The following ADAMTS12 variants were observed in gnomAD, a reference collection of about 807,000 sequenced individuals.
The protein encoded by ADAMTS12 is ADAM metallopeptidase with thrombospondin type 1 motif 12, also known as A disintegrin and metalloproteinase with thrombospondin motifs 12.
A neutral mutation model predicts 167.8 loss-of-function variants in ADAMTS12; 118 were observed. The ratio of observed to expected loss-of-function variants is 0.70; its 90% CI spans 0.61 to 0.82. The LOEUF is 0.82. ADAMTS12 is among the 40% of genes least tolerant of loss of function. The pLI is 0.00. For synonymous variants in ADAMTS12, 704 were observed against 716.9 expected, an observed-to-expected ratio of 0.98 and a Z score of 0.29; for missense variants, 1,916 against 1,998.8, an observed-to-expected ratio of 0.96 and a Z score of 0.79.
At chr5:33,707,932 A>G (rs1021487848) in intron 3 of ADAMTS12, among the ~76,000 whole-genome samples, 11 of 152,358 alleles carry the variant, frequency 7.2e-5, no homozygotes, top group African/African-American at 2.6e-4. Flanking sequence ...CAATTGCAAC[A>G]AAAGCCAAAA....
chr5:33,669,937 T>C (rs528813967), intron 5 of ADAMTS12, among the ~76,000 whole-genome samples: 76 of 152,076 alleles, frequency 5.0e-4, no homozygotes, highest in African/African-American at 1.8e-3. Context: ...CTTAGGAACC[T>C]AGGGATAGGC....
chr5:33,706,106 AT>A (rs1743193032), intron 3 of ADAMTS12, among the ~76,000 whole-genome samples: 1 of 152,176 alleles, frequency 6.6e-6, no homozygotes, highest in Non-Finnish European at 1.5e-5. Context: ...TTTTAAAAAA[AT>A]AGAAAAACAA....
In ADAMTS12 at chr5:33,863,379, A is replaced by C. The variant is rs533296057; in HGVS notation, c.489+17740T>G. ...ACAAGATCAATGTGCAAAAATCACA[A>C]GCATTCCTATACATCCATAATAGGC... On this transcript the variant is annotated intron_variant, in intron 2 of 23. Transcript: ENST00000504830. Among the ~76,000 whole-genome samples, 72 of 152,350 alleles carry C rather than the reference A, an allele frequency of 4.7e-4. 1 individual carries two copies. The highest frequency in any genetic ancestry group is 1.6e-3 in the African/African-American group (66 of 41,588).
intron 16 of ADAMTS12, among the ~76,000 whole-genome samples, chr5:33,599,668 G>T (rs985766487): frequency 2.0e-5 from 3 of 152,148 alleles, no homozygotes; most frequent in Non-Finnish European, 4.4e-5. Context: ...AGTAGGCAAG[G>T]TCGTCAGCTT....
At chr5:33,563,993 G>T (rs1579671565) in intron 19 of ADAMTS12, among the ~76,000 whole-genome samples, 1 of 152,200 alleles carries the variant, frequency 6.6e-6, no homozygotes, top group East Asian at 1.9e-4. Flanking sequence ...TGGCTTCAAG[G>T]TTTACACCTA....
At chr5:33,586,897 C>T (rs748094363) in intron 18 of ADAMTS12, among the ~76,000 whole-genome samples, 8 of 152,152 alleles carry the variant, frequency 5.3e-5, no homozygotes, top group African/African-American at 1.7e-4. Flanking sequence ...GTGCATGAAT[C>T]AGTAATACAC....
At chr5:33,691,956 T>A (rs529556078) in intron 3 of ADAMTS12, among the ~76,000 whole-genome samples, 1 of 152,368 alleles carries the variant, frequency 6.6e-6, no homozygotes, top group Non-Finnish European at 1.5e-5. Context: ...CCCCTCTCAG[T>A]GTCCCTACCC....
chr5:33,825,581 T>A (rs1339880870), intron 2 of ADAMTS12, among the ~76,000 whole-genome samples: 1 of 152,160 alleles, frequency 6.6e-6, no homozygotes, highest in African/African-American at 2.4e-5. Context: ...AGCATATGAG[T>A]CTCTTAACTA....
At chr5:33,833,270 C>T (rs1026208743) in intron 2 of ADAMTS12, among the ~76,000 whole-genome samples, 1 of 152,172 alleles carries the variant, frequency 6.6e-6, no homozygotes, top group Non-Finnish European at 1.5e-5. Flanking sequence ...TTTGTATGTA[C>T]CCATTGGCCT....
intron 2 of ADAMTS12, among the ~76,000 whole-genome samples, chr5:33,849,892 T>C (rs563421033): frequency 1.6e-4 from 24 of 151,878 alleles, no homozygotes; most frequent in Non-Finnish European, 3.4e-4. Flanking sequence ...TAGCATATTA[T>C]ATATGTATTA....
chr5:33,557,520 T>A (rs1159209773), intron 20 of ADAMTS12, among the ~76,000 whole-genome samples: 1 of 152,106 alleles, frequency 6.6e-6, no homozygotes, highest in Non-Finnish European at 1.5e-5. Flanking sequence ...GGTCTCCAAC[T>A]ACTTGAAGCT....
At chr5:33,732,645 C>T (rs1744235390) in intron 3 of ADAMTS12, among the ~76,000 whole-genome samples, 1 of 152,084 alleles carries the variant, frequency 6.6e-6, no homozygotes, top group Non-Finnish European at 1.5e-5. Context: ...TTGTCCAATG[C>T]TGGCAAAAGT....
chr5:33,624,619 T>G (rs1301952568), intron 13 of ADAMTS12, among the ~76,000 whole-genome samples: 1 of 152,176 alleles, frequency 6.6e-6, no homozygotes, highest in Non-Finnish European at 1.5e-5. Context: ...ACAAAATCTA[T>G]GCAAATGTTC....
At chr5:33,883,586 C>A (rs1460906838) in intron 1 of ADAMTS12, among the ~76,000 whole-genome samples, 1 of 151,970 alleles carries the variant, frequency 6.6e-6, no homozygotes, top group African/African-American at 2.4e-5. Context: ...ATAAAATAAG[C>A]TAATGCAGAG....
chr5:33,632,286 A>G (rs1342635285), intron 12 of ADAMTS12, among the ~76,000 whole-genome samples: 5 of 152,036 alleles, frequency 3.3e-5, no homozygotes, highest in East Asian at 1.9e-4. Context: ...AAAATTACCT[A>G]TTGGGTACAG....
chr5:33,867,906 A>C (rs943767668), intron 2 of ADAMTS12, among the ~76,000 whole-genome samples: 1 of 152,086 alleles, frequency 6.6e-6, no homozygotes, highest in Non-Finnish European at 1.5e-5. Flanking sequence ...ATGGGAGGTG[A>C]TTTGGATCAT....
intron 14 of ADAMTS12, among the ~76,000 whole-genome samples, chr5:33,623,776 G>T (rs1739442952): frequency 1.3e-5 from 2 of 151,794 alleles, no homozygotes; most frequent in African/African-American, 4.9e-5. Flanking sequence ...CAATTCTTTT[G>T]CCTGTAAACC....
rs545913281 is a variant in ADAMTS12, at chr5:33,611,104, T to C, written c.2527+3134A>G. Reference sequence around the variant, plus strand: ...ATGTGGATTTACCTCAAAAGCATAATGTTGAGGGAAAAAAAAGACAAAGCA... The same window carrying C: ...ATGTGGATTTACCTCAAAAGCATAACGTTGAGGGAAAAAAAAGACAAAGCA... On this transcript the variant is annotated intron_variant, in intron 16 of 23. Transcript: ENST00000504830. Among the ~76,000 whole-genome samples, 34 of 152,004 alleles carry C rather than the reference T, an allele frequency of 2.2e-4. No individual in the cohort carries two copies. The East Asian group carries it at 5.6e-3, about 25-fold the overall frequency.
chr5:33,682,949 C>A (rs1742183242), intron 5 of ADAMTS12, 69 bp downstream of exon 5: 2 of 1,316,438 alleles, frequency 1.5e-6, no homozygotes, highest in Non-Finnish European at 2.1e-6. Context: ...CTACCAAGAA[C>A]TCCCCTGAAA....
Sources: gnomAD v4.1 joint callset for allele counts (sites outside exome capture counted in the v4.1 genomes callset) on GRCh38, gnomAD v4.1.1 for gene constraint, MANE v1.5 for transcripts, NCBI Gene and HGNC (gene_info 2026-07-23, HGNC 2026-07-21) for gene names.